Variants in FRY observed in about 807,000 individuals in gnomAD.
FRY encodes the protein protein furry homolog.
FRY carries 128 observed loss-of-function variants against 348.4 expected under a neutral mutation model. The observed-to-expected ratio is 0.37, with a 90% CI of 0.32 to 0.43. FRY has a LOEUF of 0.43. Among genes scored for constraint, FRY ranks in the 20% least tolerant of loss-of-function variants. FRY has a pLI of 1.00. For missense variants in FRY, 2,736 were observed against 3,695.2 expected (o/e 0.74, Z 6.73); for synonymous variants, 1,370 against 1,374.7 (o/e 1.00, Z 0.08).
At chr13:32,044,372 C>T (rs1378235726) in intron 1 of FRY, among the ~76,000 whole-genome samples, 1 of 152,198 alleles carries the variant, frequency 6.6e-6, no homozygotes, top group Admixed American at 6.5e-5. Flanking sequence ...AGCTAGGTAT[C>T]GCAATGGTTA....
chr13:32,076,865 A>G (rs1014997486), intron 1 of FRY, among the ~76,000 whole-genome samples: 1 of 152,198 alleles, frequency 6.6e-6, no homozygotes, highest in Non-Finnish European at 1.5e-5. Context: ...CCTTGTCTCC[A>G]ATCAATAATT....
chr13:32,094,132 C>A (rs1876523231), intron 2 of FRY, among the ~76,000 whole-genome samples: 1 of 152,076 alleles, frequency 6.6e-6, no homozygotes, highest in African/African-American at 2.4e-5. Flanking sequence ...ATGTGTAGAT[C>A]TTGGATTTCA....
intron 1 of FRY, among the ~76,000 whole-genome samples, chr13:32,075,844 T>C (rs1875015803): frequency 6.6e-6 from 1 of 152,210 alleles, no homozygotes; most frequent in South Asian, 2.1e-4. Context: ...CTGATCTGTG[T>C]TTGAAACTCA....
intron 22 of FRY, among the ~76,000 whole-genome samples, 172 bp from the exon 23 acceptor site, chr13:32,179,503 T>TTGTGTGTGTGTGTGTGTGTGTGTG (rs10628771): frequency 4.1e-4 from 57 of 137,642 alleles, no homozygotes; most frequent in Admixed American, 5.9e-4. Context: ...TGTATTAAAT[T>TTGTGTGTGTGTGTGTGTGTGTGTG]TGTGTGTGTG....
In FRY at chr13:32,209,556, C is replaced by T. The variant is rs779200604; in HGVS notation, c.4276-29C>T. On this transcript the variant is annotated intron_variant, in intron 32 of 60. Coordinates refer to ENST00000542859, the MANE Select transcript of FRY (RefSeq NM_023037.3). ...TTGCGTCCTTACAGTTTTCACACAT[C>T]TCTTGGGCCGGTTTTTATTTTGTTA... 3 of 1,612,770 alleles carry T rather than the reference C, an allele frequency of 1.9e-6. No homozygotes were observed. The South Asian group carries it at 3.3e-5, about 18-fold the overall frequency.
chr13:32,187,230 C>T (rs1333612556), intron 27 of FRY, among the ~76,000 whole-genome samples: 1 of 152,034 alleles, frequency 6.6e-6, no homozygotes, highest in African/African-American at 2.4e-5. Flanking sequence ...TGAAGGAAAG[C>T]TTATTTTAAA....
At chr13:32,036,473 G>C (rs973146798) in intron 1 of FRY, among the ~76,000 whole-genome samples, 4 of 151,486 alleles carry the variant, frequency 2.6e-5, no homozygotes, top group Non-Finnish European at 5.9e-5. Flanking sequence ...CAAATCAGAG[G>C]GTTTTTTTTT....
chr13:32,283,140 C>CA (rs573374923), intron 58 of FRY, among the ~76,000 whole-genome samples: 6,205 of 128,668 alleles, frequency 0.048, 323 homozygotes, highest in African/African-American at 0.14. Flanking sequence ...GACTCCATCT[C>CA]AAAAAAAAAA....
chr13:32,211,341 C>T lies in FRY; in HGVS notation c.4591+307C>T, dbSNP rs1884672287. ...GGATGTGGTGGCACGCGCCAGTACT[C>T]CCAGCTCCTCAGGAGGCTGCAGGAG... On this transcript the variant is annotated intron_variant, in intron 34 of 60. Transcript: ENST00000542859. Among the ~76,000 whole-genome samples, 4 of 152,194 alleles carry T rather than the reference C, an allele frequency of 2.6e-5. No homozygotes were observed. In the South Asian group the frequency reaches 8.3e-4, roughly 32 times the overall value.
In FRY at chr13:32,249,542, G is replaced by A; in HGVS notation, c.7025G>A (p.Arg2342Lys). Reference protein sequence around the residue: ...FDISETPIIGRRYDELQNSSG... With the variant: ...FDISETPIIGKRYDELQNSSG... ...CTTCTCAAGACTCCAATCATCGGGA[G>A]GCGGTATGATGAGCTGCAGAATTCT... is the stretch of plus-strand genomic sequence containing the variant. Residue 2342 changes from arginine (R) to lysine (K), a missense_variant, in exon 49 of 61, where the codon AGG (arginine) becomes AAG (lysine). Arg to Lys is a conservative substitution (Grantham distance 26). Around this residue, in one of 9 missense-constraint regions of FRY, gnomAD observed 789 missense variants for 996.2 expected, o/e 0.79. Transcript: ENST00000542859. The A allele has an allele frequency of 1.2e-6, 2 of 1,614,202 alleles. No homozygotes were observed. Among genetic ancestry groups the A allele is most frequent in the African/African-American group, 1.3e-5 (1 of 75,056 alleles).
At chr13:32,121,386 C>G (rs975695398) in intron 4 of FRY, among the ~76,000 whole-genome samples, 1 of 151,444 alleles carries the variant, frequency 6.6e-6, no homozygotes, top group African/African-American at 2.4e-5. Flanking sequence ...ATATTCCCAC[C>G]AGCATTGCAG....
At chr13:32,096,396 A>C (rs1469318891) in intron 2 of FRY, among the ~76,000 whole-genome samples, 1 of 150,634 alleles carries the variant, frequency 6.6e-6, no homozygotes, top group African/African-American at 2.5e-5. Context: ...CAAATAATGT[A>C]CTGTGTGACA....
intron 13 of FRY, among the ~76,000 whole-genome samples, chr13:32,149,434 C>G (rs575382156): frequency 7.0e-6 from 1 of 142,590 alleles, no homozygotes; most frequent in African/African-American, 2.7e-5. Flanking sequence ...TTTATAAGCC[C>G]AGATACCCCA....
chr13:32,039,040 A>G (rs370264559), intron 1 of FRY, among the ~76,000 whole-genome samples: 1 of 152,176 alleles, frequency 6.6e-6, no homozygotes, highest in Non-Finnish European at 1.5e-5. Context: ...GAGGTATCCA[A>G]TGATGTTTCA....
At chr13:32,259,013 A>G (rs1282818418) in intron 51 of FRY, among the ~76,000 whole-genome samples, 8 of 152,240 alleles carry the variant, frequency 5.3e-5, no homozygotes, top group African/African-American at 1.9e-4. Flanking sequence ...AGAATGTTTA[A>G]TCATTAATAC....
At chr13:32,090,310 T>C (rs1431551253) in intron 2 of FRY, among the ~76,000 whole-genome samples, 3 of 127,210 alleles carry the variant, frequency 2.4e-5, no homozygotes, top group African/African-American at 6.2e-5. Flanking sequence ...GTGGCACCAC[T>C]GCACTCTAGC....
At chr13:32,065,546 T>C (rs575392745) in intron 1 of FRY, among the ~76,000 whole-genome samples, 2 of 152,126 alleles carry the variant, frequency 1.3e-5, no homozygotes, top group Admixed American at 1.3e-4. Flanking sequence ...GCTCAAGCAA[T>C]CCTCCTGTCT....
chr13:32,049,557 C>T (rs1306559237), intron 1 of FRY, among the ~76,000 whole-genome samples: 2 of 152,146 alleles, frequency 1.3e-5, no homozygotes, highest in Admixed American at 6.5e-5. Context: ...GCCTCAGCCT[C>T]CCAAGTAGCT....
intron 1 of FRY, chr13:32,060,939 A>G: frequency 2.7e-6 from 1 of 377,056 alleles, no homozygotes. Flanking sequence ...CACCTGACTA[A>G]AAATACACCT....
Sources: allele counts gnomAD v4.1 joint callset (sites outside exome capture counted in the v4.1 genomes callset), GRCh38; gene constraint gnomAD v4.1.1; regional missense constraint gnomAD v4.1.1; transcripts MANE v1.5; gene names NCBI Gene and HGNC (gene_info 2026-07-23, HGNC 2026-07-21).